ERC2: variants seen among roughly 807,000 people sequenced by gnomAD.
The protein encoded by ERC2 is ELKS/RAB6-interacting/CAST family member 2, also known as ERC protein 2.
ERC2 carries 42 observed loss-of-function variants against 114.8 expected under a neutral mutation model. That is an observed-to-expected ratio of 0.37 (90% CI 0.29 to 0.47). The LOEUF (loss-of-function observed/expected upper bound fraction) is 0.47. ERC2 is among the 20% of genes least tolerant of loss of function. The pLI is 0.99. For missense variants in ERC2, 939 were observed against 1,150.7 expected, an observed-to-expected ratio of 0.82 and a Z score of 2.66; for synonymous variants, 454 against 425.5, an observed-to-expected ratio of 1.07 and a Z score of -0.82.
chr3:56,349,197 G>A (rs1482331419), intron 2 of ERC2, among the ~76,000 whole-genome samples: 1 of 152,148 alleles, frequency 6.6e-6, no homozygotes, highest in Non-Finnish European at 1.5e-5. Flanking sequence ...GACACAAATA[G>A]AGCAGGCCTG....
chr3:55,680,400 C>T lies in ERC2; in HGVS notation c.*39+3394G>A, dbSNP rs185762365. 3.2e-3 allele frequency among the ~76,000 whole-genome samples: 494 copies of T among 152,308 alleles called. 4 individuals are homozygous for T. Among genetic ancestry groups the T allele is most frequent in the Middle Eastern group, 0.017 (5 of 294 alleles). On this transcript the variant is annotated intron_variant, in intron 17 of 17. Coordinates refer to ENST00000288221, the MANE Select transcript of ERC2 (RefSeq NM_015576.3). ...CCTCGATTTGCTCCTCCATTGCCTA[C>T]CTCATTGATGTTCGCAAACCCGAAT...
intron 17 of ERC2, among the ~76,000 whole-genome samples, chr3:55,526,437 T>C (rs545041823): frequency 6.5e-4 from 99 of 151,706 alleles, no homozygotes; most frequent in Non-Finnish European, 1.3e-3. Context: ...TGGGAGAGGG[T>C]CATCTGAGAT....
intron 13 of ERC2, among the ~76,000 whole-genome samples, chr3:55,942,507 C>A (rs1490702011): frequency 6.6e-6 from 1 of 150,492 alleles, no homozygotes; most frequent in Non-Finnish European, 1.5e-5. Flanking sequence ...CCGTTTTAGC[C>A]GGGATGGTCT....
chr3:55,595,003 T>C (rs1260657334), intron 17 of ERC2, among the ~76,000 whole-genome samples: 2 of 152,122 alleles, frequency 1.3e-5, no homozygotes, highest in Admixed American at 1.3e-4. Flanking sequence ...TCAAATGCCA[T>C]TGAATGGTCC....
intron 17 of ERC2, among the ~76,000 whole-genome samples, chr3:55,596,462 C>G (rs541089102): frequency 6.6e-6 from 1 of 152,164 alleles, no homozygotes; most frequent in Non-Finnish European, 1.5e-5. Flanking sequence ...GCCTGTGGTC[C>G]CAGCAACTTG....
intron 3 of ERC2, among the ~76,000 whole-genome samples, chr3:56,287,119 G>A (rs796095137): frequency 3.3e-5 from 5 of 152,280 alleles, no homozygotes; most frequent in East Asian, 3.9e-4. Flanking sequence ...AGCCAAGGTG[G>A]AAGGGAAAGT....
In ERC2 at chr3:56,441,045, G is replaced by A. The variant is rs554416457; in HGVS notation, c.-140-5898C>T. ...GCTTAGACCAACAAATGCAGTAGAGGAGACACTGTTCCAGCTCTGAGTCTA... is the reference window on the plus strand; with the variant it reads ...GCTTAGACCAACAAATGCAGTAGAGAAGACACTGTTCCAGCTCTGAGTCTA... On this transcript the variant is annotated intron_variant, in intron 1 of 17. Coordinates refer to ENST00000288221, the MANE Select transcript of ERC2 (RefSeq NM_015576.3). Among the ~76,000 whole-genome samples, 24 of 152,302 alleles carry A rather than the reference G, an allele frequency of 1.6e-4. No individual in the cohort carries two copies. In the South Asian group the frequency reaches 2.5e-3, roughly 16 times the overall value.
chr3:56,405,751 CCACT>C (rs1456398148), intron 2 of ERC2, among the ~76,000 whole-genome samples: 1 of 152,032 alleles, frequency 6.6e-6, no homozygotes, highest in East Asian at 1.9e-4. Context: ...CAGATCTCCT[CCACT>C]ATTGGATATT....
intron 17 of ERC2, among the ~76,000 whole-genome samples, chr3:55,517,566 T>C (rs1183872789): frequency 1.3e-5 from 2 of 152,168 alleles, no homozygotes; most frequent in Admixed American, 6.5e-5. Flanking sequence ...GATAATTGCA[T>C]GGCTATTAAA....
chr3:56,077,403 C>T (rs2077023999), intron 7 of ERC2, among the ~76,000 whole-genome samples: 1 of 152,220 alleles, frequency 6.6e-6, no homozygotes, highest in Non-Finnish European at 1.5e-5. Flanking sequence ...ATGACTTCAA[C>T]AAGTGATATC....
At chr3:55,610,082 A>AAAAC (rs2058836037) in intron 17 of ERC2, among the ~76,000 whole-genome samples, 1 of 149,650 alleles carries the variant, frequency 6.7e-6, no homozygotes, top group Non-Finnish European at 1.5e-5. Flanking sequence ...AAAAAAAAAA[A>AAAAC]AACAAGAATT....
At chr3:55,553,175 C>T (rs1263416852) in intron 17 of ERC2, among the ~76,000 whole-genome samples, 1 of 151,534 alleles carries the variant, frequency 6.6e-6, no homozygotes, top group Non-Finnish European at 1.5e-5. Context: ...GCACACACCA[C>T]CATGCCCAGC....
At chr3:55,571,882 A>G (rs953020904) in intron 17 of ERC2, among the ~76,000 whole-genome samples, 1 of 152,182 alleles carries the variant, frequency 6.6e-6, no homozygotes. Context: ...GTCTTTCCTT[A>G]AATGTAAAAG....
intron 4 of ERC2, among the ~76,000 whole-genome samples, chr3:56,167,487 C>T (rs2082381719): frequency 1.3e-5 from 2 of 152,030 alleles, no homozygotes; most frequent in Admixed American, 6.6e-5. Context: ...AAAAAAAAAT[C>T]TTACTTGCTT....
At chr3:55,550,221 C>G (rs796911212) in intron 17 of ERC2, among the ~76,000 whole-genome samples, 11 of 152,250 alleles carry the variant, frequency 7.2e-5, no homozygotes, top group African/African-American at 2.6e-4. Context: ...GTGTCACTGC[C>G]TCCAGGAAGC....
At chr3:55,651,844 A>G (rs1427780538) in intron 17 of ERC2, among the ~76,000 whole-genome samples, 1 of 152,214 alleles carries the variant, frequency 6.6e-6, no homozygotes, top group Non-Finnish European at 1.5e-5. Context: ...GGGGATTTTT[A>G]TATCTGTTAA....
intron 3 of ERC2, among the ~76,000 whole-genome samples, chr3:56,288,171 G>A (rs1350538435): frequency 6.6e-6 from 1 of 152,194 alleles, no homozygotes; most frequent in Non-Finnish European, 1.5e-5. Flanking sequence ...TGCAGCTTAT[G>A]AAACATGCTA....
At position 56,434,757 on chromosome 3, in the gene ERC2, C is replaced by T. The variant is rs750006792; in HGVS notation, c.251G>A (p.Arg84Lys). The T allele has an allele frequency of 6.2e-6, 10 of 1,613,890 alleles. No individual in the cohort carries two copies. Among genetic ancestry groups the T allele is most frequent in the South Asian group, 2.2e-5 (2 of 91,086 alleles). ...TCCATATACAGCTCGATTTGTAGCC[C>T]TTCCCAGAGTCATAGTGCCCTTTGG... ...TYPKGTMTLGRATNRAVYGGR... is the reference protein window; with the variant it reads ...TYPKGTMTLGKATNRAVYGGR... The change falls in exon 2 of 18, where the codon AGG becomes AAG. Residue 84 changes from arginine to lysine, a missense_variant. Physicochemically the swap from Arg to Lys is conservative, Grantham distance 26. Coordinates refer to ENST00000288221, the MANE Select transcript of ERC2 (RefSeq NM_015576.3).
chr3:55,527,241 A>G (rs1056643556), intron 17 of ERC2, among the ~76,000 whole-genome samples: 17 of 152,226 alleles, frequency 1.1e-4, no homozygotes, highest in African/African-American at 4.1e-4. Flanking sequence ...CCCATCTGTC[A>G]GACGGAGATA....
Sources: allele counts gnomAD v4.1 joint callset (sites outside exome capture counted in the v4.1 genomes callset), GRCh38; gene constraint gnomAD v4.1.1; transcripts MANE v1.5; gene names NCBI Gene and HGNC (gene_info 2026-07-23, HGNC 2026-07-21).